Variants in DOCK11 observed in about 807,000 individuals in gnomAD.
DOCK11 encodes the protein dedicator of cytokinesis protein 11.
Under a neutral mutation model 169.1 loss-of-function variants are expected in DOCK11, and 70 were observed. The observed-to-expected ratio is 0.41, with a 90% CI of 0.34 to 0.51. The LOEUF (loss-of-function observed/expected upper bound fraction) is 0.51, where lower values mean the gene tolerates loss of function less well. Among genes scored for constraint, DOCK11 ranks in the 20% least tolerant of loss-of-function variants. DOCK11 has a pLI of 0.10. For synonymous variants in DOCK11, 529 were observed against 541.3 expected (o/e 0.98, Z 0.32); for missense variants, 1,166 against 1,538.8 (o/e 0.76, Z 4.05).
At chrX:118,559,334 C>T (rs1306687534) in intron 6 of DOCK11, among the ~76,000 whole-genome samples, 2 of 112,028 alleles carry the variant, frequency 1.8e-5, no homozygotes, top group African/African-American at 6.5e-5. Flanking sequence ...CAAGTGGATT[C>T]TGTAGGCTGT....
At chrX:118,641,070 T>C in intron 38 of DOCK11, 120 bp from the exon 39 acceptor site, 1 of 524,296 alleles carries the variant, frequency 1.9e-6, no homozygotes, top group Non-Finnish European at 3.4e-6. Flanking sequence ...ATTACAGGCA[T>C]GAGCCACCGC....
At chrX:118,556,048 C>CT (rs147701437) in intron 6 of DOCK11, among the ~76,000 whole-genome samples, 31,107 of 98,660 alleles carry the variant, frequency 0.32, 4,330 homozygotes, top group East Asian at 0.52. Flanking sequence ...TCTTTTCTTT[C>CT]TTTTTTTTTT....
chrX:118,588,073 A>C (rs781016947), intron 16 of DOCK11, 64 bp from the exon 17 acceptor site: 3 of 914,693 alleles, frequency 3.3e-6, no homozygotes, highest in Non-Finnish European at 4.4e-6. Flanking sequence ...TTTTTTATAC[A>C]TGCAGGAATG....
rs181734135 is a variant in DOCK11 at position 118,506,266 on chromosome X, A to C, written c.102+10193A>C. ...TGAGACCCTGTCTCAAAAAAAAAAA[A>C]AACAACAAAAAACCAAAACCAAAAA... is the stretch of plus-strand genomic sequence containing the variant. On this transcript the variant is annotated intron_variant, in intron 1 of 52. Transcript: ENST00000276202. Among the ~76,000 whole-genome samples the C allele has an allele frequency of 9.3e-3, 1,030 of 110,651 alleles. 10 individuals carry two copies. Among genetic ancestry groups the C allele is most frequent in the African/African-American group, 0.032 (983 of 30,410 alleles).
Position 118,685,761 on chromosome X carries a change from C to T in DOCK11, c.6176C>T (p.Thr2059Ile). Residue 2059 changes from threonine to isoleucine, a missense_variant, in exon 53 of 53, where the codon ACA becomes ATA. Thr to Ile is a moderately conservative substitution (Grantham distance 89, BLOSUM62 -1). Coordinates refer to ENST00000276202, the MANE Select transcript of DOCK11 (RefSeq NM_144658.4). ...TLHVFCAISG[T>I]SSDRGYGSPR... ...CATGTATTTTGTGCAATTAGTGGTA[C>T]ATCAAGTGACCGAGGTTATGGTTCC... is the stretch of plus-strand genomic sequence containing the variant. 1 of 1,211,388 alleles carries T rather than the reference C, an allele frequency of 8.3e-7. No homozygotes were observed. Among genetic ancestry groups the T allele is most frequent in the Non-Finnish European group, 1.1e-6 (1 of 895,213 alleles).
intron 23 of DOCK11, among the ~76,000 whole-genome samples, chrX:118,599,635 A>G (rs1225058609): frequency 8.9e-6 from 1 of 111,976 alleles, no homozygotes; most frequent in East Asian, 2.8e-4. Flanking sequence ...TGGGTGATAG[A>G]CTAACAAAGG....
intron 11 of DOCK11, among the ~76,000 whole-genome samples, chrX:118,573,514 C>T (rs938478322): frequency 8.9e-6 from 1 of 112,340 alleles, no homozygotes; most frequent in African/African-American, 3.2e-5. Context: ...ATTCATAGAA[C>T]AATTTGTGTT....
In DOCK11 at chrX:118,581,991, G is replaced by A. The variant is rs781373904; in HGVS notation, c.1595+1812G>A. On this transcript the variant is annotated intron_variant, in intron 14 of 52. Transcript: ENST00000276202. ...CTAAAAATATAAAAATTAGCCGGGC[G>A]TGATGGCAGGCGCCTGTAATCCCAG... is the stretch of plus-strand genomic sequence containing the variant. Among the ~76,000 whole-genome samples the A allele has an allele frequency of 2.9e-4, 31 of 108,631 alleles. 1 individual carries two copies. Among genetic ancestry groups the A allele is most frequent in the African/African-American group, 9.4e-4 (28 of 29,746 alleles). The allele number at this position is 108,631 out of a possible 115,157, so 94.3% of individuals were successfully genotyped here.
chrX:118,571,930 C>T (rs751879382), intron 10 of DOCK11, among the ~76,000 whole-genome samples: 11 of 111,485 alleles, frequency 9.9e-5, no homozygotes, highest in African/African-American at 2.3e-4. Flanking sequence ...GCAAAAGCCC[C>T]GGCATGGGAG....
chrX:118,567,495 C>T (rs368659593), intron 9 of DOCK11, among the ~76,000 whole-genome samples: 7 of 105,860 alleles, frequency 6.6e-5, no homozygotes, highest in East Asian at 5.9e-4. Flanking sequence ...TGCAGTAGCA[C>T]GATCTCACCT....
At chrX:118,672,620 A>G (rs915923764) in intron 46 of DOCK11, among the ~76,000 whole-genome samples, 7 of 112,260 alleles carry the variant, frequency 6.2e-5, no homozygotes, top group African/African-American at 1.9e-4. Context: ...TATTTTTAGT[A>G]GAGGCAGGGT....
Position 118,572,363 on chromosome X carries a change from T to C in DOCK11, c.1076T>C (p.Phe359Ser). 1 of 1,205,658 alleles carries C rather than the reference T, an allele frequency of 8.3e-7. No homozygotes were observed. The highest frequency in any genetic ancestry group is 1.8e-5 in the South Asian group (1 of 55,841). ...FSGIEPDIKP[F>S]EEKCNKRFLV... ...GGAATTGAACCTGATATAAAGCCAT[T>C]TGAAGAAAAATGCAATAAACGTTTC... is the stretch of plus-strand genomic sequence containing the variant. Residue 359 changes from phenylalanine to serine, a missense_variant, in exon 11 of 53, where the codon TTT (phenylalanine) becomes TCT (serine). Phe to Ser is a radical substitution (Grantham distance 155). Coordinates refer to ENST00000276202, the MANE Select transcript of DOCK11 (RefSeq NM_144658.4).
chrX:118,671,207 A>G (rs2016462679), intron 46 of DOCK11, 62 bp downstream of exon 46: 2 of 1,027,740 alleles, frequency 1.9e-6, no homozygotes, highest in African/African-American at 1.8e-5. Flanking sequence ...TAGGGAAAAC[A>G]GTAATATAGT....
rs750008778 is a variant in DOCK11, at chrX:118,680,674, C to T, written c.5653C>T (p.Arg1885Cys). 3.8e-5 allele frequency: 45 copies of T among 1,187,281 alleles called. No individual in the cohort carries two copies. The highest frequency in any genetic ancestry group is 4.6e-5 in the Non-Finnish European group (41 of 883,664). The change falls in exon 49 of 53, where the codon CGC becomes TGC. Residue 1885 changes from arginine to cysteine, a missense_variant. Transcript: ENST00000276202. The stretch of plus-strand genomic sequence containing the variant: ...GGGCTGTATAGAAGAACAGTGCAAA[C>T]GCCGTACAATCTTGACAAGTAAGTA... ...KQGCIEEQCK[R>C]RTILTTSNSF...
At chrX:118,683,317 T>C in intron 52 of DOCK11, 100 bp downstream of exon 52, 2 of 908,739 alleles carry the variant, frequency 2.2e-6, no homozygotes, top group East Asian at 3.4e-5. Context: ...CTTAAAGTTA[T>C]TAAGTCTATA....
chrX:118,628,108 A>G (rs1215957524), intron 33 of DOCK11, 55 bp from the exon 34 acceptor site: 1 of 749,708 alleles, frequency 1.3e-6, no homozygotes, highest in Non-Finnish European at 2.0e-6. Flanking sequence ...CTTTTTAAAT[A>G]TTTCTGACAG....
chrX:118,548,259 C>A (rs2012357853), intron 6 of DOCK11, among the ~76,000 whole-genome samples: 1 of 111,977 alleles, frequency 8.9e-6, no homozygotes, highest in Non-Finnish European at 1.9e-5. Context: ...TTGTAGGAGT[C>A]CATATATTAT....
At chrX:118,666,293 T>C (rs1428492765) in intron 45 of DOCK11, among the ~76,000 whole-genome samples, 3 of 111,791 alleles carry the variant, frequency 2.7e-5, no homozygotes, top group Non-Finnish European at 5.6e-5. Context: ...TAATATGTAA[T>C]AAAATCTTAA....
chrX:118,576,519 G>A (rs1400297981), intron 12 of DOCK11, among the ~76,000 whole-genome samples: 2 of 111,900 alleles, frequency 1.8e-5, no homozygotes, highest in Non-Finnish European at 3.8e-5. Flanking sequence ...ACATCTCTGT[G>A]CCTCAGCATC....
Sources: allele counts gnomAD v4.1 joint callset (sites outside exome capture counted in the v4.1 genomes callset), GRCh38; gene constraint gnomAD v4.1.1; transcripts MANE v1.5; gene names NCBI Gene and HGNC (gene_info 2026-07-23, HGNC 2026-07-21).